LRP1B: variants seen among roughly 807,000 people sequenced by gnomAD.
LRP1B encodes low-density lipoprotein receptor-related protein 1B.
A neutral mutation model predicts 556.6 loss-of-function variants in LRP1B; 217 were observed. The observed-to-expected ratio is 0.39, with a 90% CI of 0.35 to 0.44. The LOEUF is 0.44. Ranked by LOEUF, LRP1B falls within the 20% of genes least tolerant of loss-of-function variation. The pLI is 1.00. For missense variants in LRP1B, 5,053 were observed against 5,620.8 expected, an observed-to-expected ratio of 0.90 and a Z score of 3.23; for synonymous variants, 2,047 against 1,865.8, an observed-to-expected ratio of 1.10 and a Z score of -2.50.
intron 4 of LRP1B, among the ~76,000 whole-genome samples, chr2:141,252,668 G>C (rs1684307815): frequency 6.6e-6 from 1 of 152,080 alleles, no homozygotes; most frequent in Non-Finnish European, 1.5e-5. Flanking sequence ...AGAGCAATAT[G>C]ATCGATTATC....
At chr2:140,405,905 C>T (rs150313232) in intron 66 of LRP1B, among the ~76,000 whole-genome samples, 3 of 152,088 alleles carry the variant, frequency 2.0e-5, no homozygotes, top group African/African-American at 7.2e-5. Context: ...AAACTACAGA[C>T]CAAAATTTCT....
In LRP1B at chr2:140,448,208, A is replaced by G. The variant is rs138933885; in HGVS notation, c.10057+2360T>C. ...AAACCTTCCATTTGTGAAAAATACAATATCTGCAAAGCGCAGTAAAGTACA... is the reference window on the plus strand; with the variant it reads ...AAACCTTCCATTTGTGAAAAATACAGTATCTGCAAAGCGCAGTAAAGTACA... On this transcript the variant is annotated intron_variant, in intron 63 of 90. Coordinates refer to ENST00000389484, the MANE Select transcript of LRP1B (RefSeq NM_018557.3). Among the ~76,000 whole-genome samples, 155 of 152,248 alleles carry G rather than the reference A, an allele frequency of 1.0e-3. 3 individuals are homozygous for G. Among genetic ancestry groups the G allele is most frequent in the African/African-American group, 3.0e-3 (126 of 41,576 alleles).
intron 2 of LRP1B, among the ~76,000 whole-genome samples, chr2:141,685,745 T>C (rs34335054): frequency 0.082 from 12,412 of 152,038 alleles, 648 homozygotes; most frequent in South Asian, 0.15. Context: ...CTCTAGAAAC[T>C]GGAAAACACA....
intron 1 of LRP1B, 56 bp from the exon 2 acceptor site, chr2:141,810,457 G>A (rs554365563): frequency 3.0e-5 from 47 of 1,577,756 alleles, no homozygotes; most frequent in Non-Finnish European, 3.7e-5. Context: ...TGGGCAGAAC[G>A]AGCAGTACAA....
intron 18 of LRP1B, among the ~76,000 whole-genome samples, chr2:140,970,025 A>T (rs193047504): frequency 6.6e-6 from 1 of 152,128 alleles, no homozygotes; most frequent in Non-Finnish European, 1.5e-5. Context: ...CTCAAGGACC[A>T]TCTTTGGGGC....
intron 41 of LRP1B, among the ~76,000 whole-genome samples, chr2:140,668,510 A>G (rs1167549889): frequency 2.6e-5 from 4 of 152,022 alleles, no homozygotes; most frequent in Non-Finnish European, 5.9e-5. Context: ...TTGTAATTAG[A>G]CGATACTCAG....
At chr2:142,050,165 T>C (rs765407269) in intron 1 of LRP1B, among the ~76,000 whole-genome samples, 6 of 152,138 alleles carry the variant, frequency 3.9e-5, no homozygotes, top group Non-Finnish European at 5.9e-5. Flanking sequence ...ATGTAATACA[T>C]AGGTATACAC....
chr2:140,571,590 T>A (rs1681323019), intron 43 of LRP1B, among the ~76,000 whole-genome samples: 1 of 150,280 alleles, frequency 6.7e-6, no homozygotes, highest in South Asian at 2.1e-4. Flanking sequence ...CAAAAGTGAT[T>A]TATAAATTCA....
intron 32 of LRP1B, among the ~76,000 whole-genome samples, chr2:140,808,096 TTAAAA>T (rs1286332577): frequency 6.6e-6 from 1 of 151,964 alleles, no homozygotes; most frequent in Admixed American, 6.6e-5. Context: ...CATCTCCAAA[TTAAAA>T]TAAAATAAAA....
chr2:140,465,244 C>A (rs546139008), intron 60 of LRP1B, among the ~76,000 whole-genome samples: 2 of 152,100 alleles, frequency 1.3e-5, no homozygotes, highest in African/African-American at 2.4e-5. Context: ...ACAGCACAAA[C>A]CATAAGGGAT....
intron 21 of LRP1B, among the ~76,000 whole-genome samples, chr2:140,911,252 G>A (rs1694409473): frequency 6.6e-6 from 1 of 151,782 alleles, no homozygotes; most frequent in Non-Finnish European, 1.5e-5. Context: ...ATCAATATCA[G>A]TACATGGATA....
At chr2:141,784,394 T>G (rs929447812) in intron 2 of LRP1B, among the ~76,000 whole-genome samples, 1 of 152,126 alleles carries the variant, frequency 6.6e-6, no homozygotes, top group Admixed American at 6.6e-5. Flanking sequence ...GAATAGATAT[T>G]TTACTGAAAA....
chr2:141,499,566 G>C (rs898366275), intron 2 of LRP1B, among the ~76,000 whole-genome samples: 3 of 151,986 alleles, frequency 2.0e-5, no homozygotes, highest in African/African-American at 7.2e-5. Context: ...TTCCTATAGA[G>C]AGAGACAGGA....
At chr2:140,872,615 G>T (rs1007213254) in intron 25 of LRP1B, among the ~76,000 whole-genome samples, 2 of 151,736 alleles carry the variant, frequency 1.3e-5, no homozygotes, top group Non-Finnish European at 2.9e-5. Flanking sequence ...CTAAATAAAT[G>T]TGGTCTCCTT....
intron 2 of LRP1B, among the ~76,000 whole-genome samples, chr2:141,759,152 T>C (rs1391349605): frequency 2.0e-5 from 3 of 152,100 alleles, no homozygotes; most frequent in Admixed American, 6.6e-5. Flanking sequence ...CTATAGACTA[T>C]AGACTTTTGG....
chr2:141,096,811 A>T (rs1700335693), intron 7 of LRP1B, among the ~76,000 whole-genome samples: 1 of 152,202 alleles, frequency 6.6e-6, no homozygotes, highest in Non-Finnish European at 1.5e-5. Context: ...ATCAATATGT[A>T]CTTTGTCTTA....
chr2:141,077,816 A>G (rs907923608), intron 7 of LRP1B, among the ~76,000 whole-genome samples: 6 of 152,234 alleles, frequency 3.9e-5, no homozygotes, highest in Admixed American at 1.3e-4. Context: ...CTATATTTAT[A>G]TATCTTACTG....
intron 2 of LRP1B, among the ~76,000 whole-genome samples, chr2:141,703,959 T>A (rs960659074): frequency 4.6e-5 from 7 of 151,944 alleles, no homozygotes; most frequent in Non-Finnish European, 8.8e-5. Flanking sequence ...GCCACTTTTT[T>A]AACATTTTCT....
At chr2:140,666,451 T>C (rs16844436) in intron 41 of LRP1B, among the ~76,000 whole-genome samples, 13,570 of 152,070 alleles carry the variant, frequency 0.089, 686 homozygotes, top group South Asian at 0.19. Context: ...TCTTATGTAG[T>C]TCACTTATAA....
Sources: allele counts gnomAD v4.1 joint callset (sites outside exome capture counted in the v4.1 genomes callset), GRCh38; gene constraint gnomAD v4.1.1; transcripts MANE v1.5; gene names NCBI Gene and HGNC (gene_info 2026-07-23, HGNC 2026-07-21).